Variants in CELF2 observed in about 807,000 individuals in gnomAD.
CELF2 encodes CUGBP Elav-like family member 2.
A neutral mutation model predicts 62.6 loss-of-function variants in CELF2; 8 were observed. The observed-to-expected ratio is 0.13, with a 90% CI of 0.07 to 0.23. The LOEUF is 0.23. CELF2 is among the 10% of genes least tolerant of loss of function. The probability of loss-of-function intolerance (pLI) is 1.00; values close to 1 mark genes in which losing one functional copy is unlikely to be tolerated. For missense variants in CELF2, 333 were observed against 671.0 expected (o/e 0.50, Z 5.56); for synonymous variants, 258 against 250.0 (o/e 1.03, Z -0.30).
chr10:10,489,817 C>T, the CELF2 span, among the ~76,000 whole-genome samples: 14 of 151,758 alleles, frequency 9.2e-5, no homozygotes, highest in African/African-American at 3.4e-4. Flanking sequence ...CAATTTCAAG[C>T]AAACAACCTC....
chr10:10,736,792 G>A, the CELF2 span, among the ~76,000 whole-genome samples: 7 of 152,184 alleles, frequency 4.6e-5, no homozygotes, highest in South Asian at 2.1e-4. Flanking sequence ...ACACAAAAAT[G>A]AGAACACCAA....
intron 1 of CELF2, chr10:11,097,979 G>T (rs1345116638): frequency 6.6e-6 from 1 of 152,336 alleles, no homozygotes; most frequent in Non-Finnish European, 1.5e-5. Flanking sequence ...ACCCTGCAGG[G>T]ACTGTGTTCC....
rs1269329854 is a variant in CELF2, at chr10:11,255,407, T to C, written c.404-2331T>C. Among the ~76,000 whole-genome samples the C allele has an allele frequency of 6.6e-6, 1 of 152,100 alleles. No homozygotes were observed. Among genetic ancestry groups the C allele is most frequent in the Non-Finnish European group, 1.5e-5 (1 of 68,018 alleles). ...CCTGAGGTCGGGCTGCTTTCCGCCA[T>C]CCACCCAAGCCAGGTCCCTACTGCC... On this transcript the variant is annotated intron_variant, in intron 4 of 12. Transcript: ENST00000633077. This position sits in a 1 kb window ranked among gnomAD's most constrained non-coding sequence, Gnocchi z 5.5.
the CELF2 span, among the ~76,000 whole-genome samples, chr10:10,761,910 G>C: frequency 1.6e-5 from 1 of 64,332 alleles, no homozygotes; most frequent in Non-Finnish European, 4.1e-5. Context: ...TAAACCGTGT[G>C]TGTGTGTGTG....
In CELF2 at chr10:10,894,848, A is replaced by G. The variant is rs371453558; in HGVS notation, c.54-25116A>G. Among the ~76,000 whole-genome samples the G allele has an allele frequency of 5.9e-5, 9 of 152,346 alleles. No homozygotes were observed. In the East Asian group the frequency reaches 7.7e-4, roughly 13 times the overall value. ...TCTACTATGATTTCATACTCTGTTT[A>G]TAAACCGGAAAATGTCTGTCCATTT... On this transcript the variant is annotated intron_variant, in intron 1 of 13. Transcript: ENST00000636488.
chr10:10,656,175 C>T, the CELF2 span, among the ~76,000 whole-genome samples: 1 of 145,416 alleles, frequency 6.9e-6, no homozygotes, highest in Admixed American at 6.9e-5. Context: ...AATGAGATAC[C>T]ATCTCACACC....
chr10:11,248,999 G>A (rs1404791461), intron 3 of CELF2, among the ~76,000 whole-genome samples, 154 bp from the exon 4 acceptor site: 1 of 152,174 alleles, frequency 6.6e-6, no homozygotes, highest in Non-Finnish European at 1.5e-5. Flanking sequence ...GAAAATACAG[G>A]CTTACTTTTT....
the CELF2 span, among the ~76,000 whole-genome samples, chr10:10,714,839 C>T: frequency 6.6e-6 from 1 of 151,948 alleles, no homozygotes; most frequent in Non-Finnish European, 1.5e-5. Context: ...TTCTCATCCC[C>T]ACTCCAAACG....
the CELF2 span, among the ~76,000 whole-genome samples, chr10:10,476,222 T>C: frequency 6.6e-6 from 1 of 151,942 alleles, no homozygotes; most frequent in African/African-American, 2.4e-5. Flanking sequence ...ATTTTATATC[T>C]ACTTTCTGAT....
At chr10:10,907,127 A>G (rs559236347) in intron 1 of CELF2, among the ~76,000 whole-genome samples, 1 of 152,106 alleles carries the variant, frequency 6.6e-6, no homozygotes, top group Non-Finnish European at 1.5e-5. Context: ...ACACACACAC[A>G]CATGCATGCA....
intron 2 of CELF2, among the ~76,000 whole-genome samples, chr10:10,992,688 G>A (rs2090606430): frequency 6.6e-6 from 1 of 152,196 alleles, no homozygotes; most frequent in Non-Finnish European, 1.5e-5. Flanking sequence ...ATCAATAGAT[G>A]ATGGATATAT....
At chr10:11,174,049 T>C (rs1031290731) in intron 2 of CELF2, among the ~76,000 whole-genome samples, 1 of 152,216 alleles carries the variant, frequency 6.6e-6, no homozygotes, top group African/African-American at 2.4e-5. Context: ...GAGTGATGTA[T>C]ATTAGGTATA....
the CELF2 span, among the ~76,000 whole-genome samples, chr10:10,652,244 G>T: frequency 1.6e-5 from 2 of 126,826 alleles, no homozygotes. Context: ...ATCTACATCT[G>T]ATTGGTGTAC....
Position 11,082,709 on chromosome 10 carries a change from A to G in CELF2, c.74+64546A>G, listed in dbSNP as rs117530462. Among the ~76,000 whole-genome samples, 1,366 of 152,350 alleles carry G rather than the reference A, an allele frequency of 9.0e-3. 6 individuals are homozygous for G. Among genetic ancestry groups the G allele is most frequent in the Non-Finnish European group, 0.016 (1,068 of 68,032 alleles). ...TTCACATTTCCAAATTTAAGTTGAAAACCACATTCTTTGAGCTCTTGGCAT... is the reference window on the plus strand; with the variant it reads ...TTCACATTTCCAAATTTAAGTTGAAGACCACATTCTTTGAGCTCTTGGCAT... On this transcript the variant is annotated intron_variant, in intron 1 of 12. Coordinates refer to ENST00000633077, the MANE Select transcript of CELF2 (RefSeq NM_001326342.2).
chr10:10,516,967 T>C, the CELF2 span, among the ~76,000 whole-genome samples: 1 of 152,096 alleles, frequency 6.6e-6, no homozygotes, highest in Admixed American at 6.6e-5. Flanking sequence ...GCATGTCCCC[T>C]CTTTGAGAGA....
rs1341393329 is a variant in CELF2, at chr10:11,275,052, C to T, written c.778-5C>T. 17 of 1,613,910 alleles carry T rather than the reference C, an allele frequency of 1.1e-5. No individual in the cohort carries two copies. Among genetic ancestry groups the T allele is most frequent in the African/African-American group, 6.7e-5 (5 of 74,880 alleles). The stretch of plus-strand genomic sequence containing the variant: ...TCCACTTTGCCCTTGTGTGTTCATC[C>T]GCAGCTCCTGCAGCAGGCCACCTCC... On this transcript the variant is annotated splice_polypyrimidine_tract_variant and splice_region_variant and intron_variant, in intron 7 of 12. Transcript: ENST00000633077.
the CELF2 span, among the ~76,000 whole-genome samples, chr10:10,467,240 C>T: frequency 6.6e-6 from 1 of 151,974 alleles, no homozygotes; most frequent in Admixed American, 6.6e-5. Flanking sequence ...TTATATCATG[C>T]ATTTTGAGCT....
rs938556920 is a variant in CELF2, at chr10:10,880,299, G to A, written c.54-39665G>A. The stretch of plus-strand genomic sequence containing the variant: ...ACTTAGATTTTCTCCCATGCCTGCT[G>A]TTAAGGGGGCCCACGTTATAGTTTC... On this transcript the variant is annotated intron_variant, in intron 1 of 13. Transcript: ENST00000636488. Among the ~76,000 whole-genome samples the A allele has an allele frequency of 5.5e-4, 84 of 152,262 alleles. 1 individual carries two copies. Among genetic ancestry groups the A allele is most frequent in the Middle Eastern group, 3.4e-3 (1 of 294 alleles).
intron 1 of CELF2, among the ~76,000 whole-genome samples, chr10:10,905,746 C>T (rs957141020): frequency 2.0e-5 from 3 of 151,964 alleles, no homozygotes; most frequent in East Asian, 3.9e-4. Flanking sequence ...GGTGTGGTGG[C>T]GGGCAACTGT....
Sources: allele counts gnomAD v4.1 joint callset (sites outside exome capture counted in the v4.1 genomes callset), GRCh38; gene constraint gnomAD v4.1.1; non-coding constraint Gnocchi (gnomAD v3.1); transcripts MANE v1.5; gene names NCBI Gene and HGNC (gene_info 2026-07-23, HGNC 2026-07-21).